The following KIAA0513 variants were observed in gnomAD, a reference collection of about 807,000 sequenced individuals.
The protein encoded by KIAA0513 is uncharacterized protein KIAA0513.
A neutral mutation model predicts 56.5 loss-of-function variants in KIAA0513; 39 were observed. That is an observed-to-expected ratio of 0.69 (90% CI 0.53 to 0.90). The LOEUF (loss-of-function observed/expected upper bound fraction) is 0.90. KIAA0513 is among the 40% of genes least tolerant of loss of function. The probability of loss-of-function intolerance (pLI) is 0.00; values close to 1 mark genes in which losing one functional copy is unlikely to be tolerated. For synonymous variants in KIAA0513, 268 were observed against 215.6 expected (o/e 1.24, Z -2.13); for missense variants, 591 against 535.2 (o/e 1.10, Z -1.03).
chr16:85,087,396 C>A (rs1231913663), intron 12 of KIAA0513, among the ~76,000 whole-genome samples: 1 of 152,200 alleles, frequency 6.6e-6, no homozygotes, highest in African/African-American at 2.4e-5. Context: ...GGATTGCGGG[C>A]ATTGGGGCCA....
At chr16:85,035,484 T>A (rs747457960) in intron 1 of KIAA0513, among the ~76,000 whole-genome samples, 3 of 152,142 alleles carry the variant, frequency 2.0e-5, no homozygotes, top group African/African-American at 4.8e-5. Context: ...GTTTGTTTTG[T>A]TTTTTGTTTG....
intron 1 of KIAA0513, among the ~76,000 whole-genome samples, chr16:85,037,364 G>T (rs2073048804): frequency 2.0e-5 from 3 of 152,144 alleles, no homozygotes; most frequent in Admixed American, 1.3e-4. Flanking sequence ...TGAGTCAGGG[G>T]ATATCGGGTG....
At position 85,091,133 on chromosome 16, in the gene KIAA0513, G is replaced by A. The variant is rs2073863277; in HGVS notation, c.*2808G>A. ...CCCAAAACCAGGAGCACGAAGGCCT[G>A]TCATCCATGGGGCCATTGCAGGCAC... is the stretch of plus-strand genomic sequence containing the variant. On this transcript the variant is annotated 3_prime_UTR_variant, in exon 13 of 13. Transcript: ENST00000683363. 6.6e-6 allele frequency: 1 copy of A among 152,262 alleles called. No individual in the cohort carries two copies. The highest frequency in any genetic ancestry group is 1.5e-5 in the Non-Finnish European group (1 of 68,058). 9.4% of individuals were successfully genotyped at this position (152,262 alleles called of 1,614,324 possible).
chr16:85,051,068 C>T (rs145522029), intron 1 of KIAA0513, among the ~76,000 whole-genome samples: 21 of 152,120 alleles, frequency 1.4e-4, no homozygotes, highest in African/African-American at 4.8e-4. Flanking sequence ...TCACTTGAGC[C>T]TAGGAATTTG....
chr16:85,077,026 C>G lies in KIAA0513; in HGVS notation c.575-399C>G, dbSNP rs551638923. Among the ~76,000 whole-genome samples, 6 of 151,834 alleles carry G rather than the reference C, an allele frequency of 4.0e-5. 1 individual carries two copies. Among genetic ancestry groups the G allele is most frequent in the Admixed American group, 3.3e-4 (5 of 15,256 alleles). On this transcript the variant is annotated intron_variant, in intron 5 of 12. Coordinates refer to ENST00000683363, the MANE Select transcript of KIAA0513 (RefSeq NM_001388359.1). Reference sequence around the variant, plus strand: ...TGCTGCCCAGACTCCTCCTCCAGGCCCCCCCCCAACCCGGTGTCTCCACAC... The same window carrying G: ...TGCTGCCCAGACTCCTCCTCCAGGCGCCCCCCCAACCCGGTGTCTCCACAC...
chr16:85,041,351 A>G (rs1363916324), intron 1 of KIAA0513, among the ~76,000 whole-genome samples: 3 of 152,194 alleles, frequency 2.0e-5, no homozygotes, highest in Non-Finnish European at 4.4e-5. Context: ...GATTTCACCC[A>G]AAGAACGCAG....
At chr16:85,069,991 C>T (rs915085479) in intron 2 of KIAA0513, among the ~76,000 whole-genome samples, 2 of 145,120 alleles carry the variant, frequency 1.4e-5, no homozygotes, top group Non-Finnish European at 3.1e-5. Flanking sequence ...ATAGTGAAAC[C>T]CCCTCTCTAC....
intron 1 of KIAA0513, among the ~76,000 whole-genome samples, chr16:85,053,630 A>T (rs1386072839): frequency 6.6e-6 from 1 of 152,184 alleles, no homozygotes; most frequent in Non-Finnish European, 1.5e-5. Context: ...ATACATTACT[A>T]AGAAAGATTA....
chr16:85,078,306 G>A, intron 6 of KIAA0513, 109 bp from the exon 7 acceptor site: 1 of 1,138,690 alleles, frequency 8.8e-7, no homozygotes, highest in South Asian at 1.3e-5. Flanking sequence ...TTCAGAGCAA[G>A]CCGTATTAAA....
At chr16:85,030,303 C>T (rs142390173) in intron 1 of KIAA0513, among the ~76,000 whole-genome samples, 41 of 152,330 alleles carry the variant, frequency 2.7e-4, no homozygotes, top group African/African-American at 9.9e-4. Flanking sequence ...AGTTCTCCGG[C>T]AGCCTGCTAG....
At chr16:85,070,235 C>T (rs894835658) in intron 2 of KIAA0513, among the ~76,000 whole-genome samples, 4 of 151,804 alleles carry the variant, frequency 2.6e-5, no homozygotes, top group African/African-American at 4.8e-5. Flanking sequence ...TTGTTTCCAC[C>T]GTGATTTGAG....
chr16:85,032,610 C>T (rs1279628110), intron 1 of KIAA0513, among the ~76,000 whole-genome samples: 1 of 151,956 alleles, frequency 6.6e-6, no homozygotes, highest in Non-Finnish European at 1.5e-5. Flanking sequence ...GGGATGACCT[C>T]CTCTTAACTA....
intron 5 of KIAA0513, 43 bp from the exon 6 acceptor site, chr16:85,077,382 C>A (rs1172743258): frequency 1.9e-6 from 3 of 1,591,690 alleles, no homozygotes; most frequent in African/African-American, 2.7e-5. Flanking sequence ...CAGGCGCATA[C>A]CCCAGCCTCA....
chr16:85,087,414 G>C (rs1324939419), intron 12 of KIAA0513, among the ~76,000 whole-genome samples: 1 of 152,208 alleles, frequency 6.6e-6, no homozygotes, highest in East Asian at 1.9e-4. Context: ...CCATAGCCTG[G>C]GTGTTCACAG....
At chr16:85,079,375 C>T (rs915863803) in intron 8 of KIAA0513, 4 of 222,540 alleles carry the variant, frequency 1.8e-5, no homozygotes, top group African/African-American at 4.4e-5. Context: ...ATTATGGCCC[C>T]GAGGTGGAAA....
In KIAA0513 at chr16:85,090,992, C is replaced by G. The variant is rs751414618; in HGVS notation, c.*2667C>G. The G allele has an allele frequency of 1.6e-4, 24 of 152,276 alleles. No homozygotes were observed. The highest frequency in any genetic ancestry group is 3.1e-4 in the Non-Finnish European group (21 of 68,074). The allele number at this position is 152,276 out of a possible 1,614,324, so 9.4% of individuals were successfully genotyped here. A position where few individuals can be genotyped will look rare whatever the true frequency, so the allele number is the denominator to read the frequency against. ...GGTCCCTGCGTGGGGAGGTGTCACA[C>G]CAGGGGCACACCCAGGGCCACCTGG... On this transcript the variant is annotated 3_prime_UTR_variant, in exon 13 of 13. Coordinates refer to ENST00000683363, the MANE Select transcript of KIAA0513 (RefSeq NM_001388359.1).
At chr16:85,043,799 G>A (rs954422363) in intron 1 of KIAA0513, among the ~76,000 whole-genome samples, 12 of 152,240 alleles carry the variant, frequency 7.9e-5, no homozygotes, top group Non-Finnish European at 8.8e-5. Context: ...CTGGGAGGCC[G>A]AAGCGGGCGG....
chr16:85,073,136 G>T (rs1567540510), intron 4 of KIAA0513, 138 bp downstream of exon 4: 2 of 756,832 alleles, frequency 2.6e-6, no homozygotes, highest in Middle Eastern at 3.7e-4. Flanking sequence ...GCTCTGCTAC[G>T]CCCAGCATTC....
intron 1 of KIAA0513, among the ~76,000 whole-genome samples, chr16:85,040,689 C>T (rs77346758): frequency 0.051 from 7,828 of 152,264 alleles, 291 homozygotes; most frequent in Non-Finnish European, 0.075. Flanking sequence ...AGGTTAAACC[C>T]TCCCCAAGCT....
Sources: gnomAD v4.1 joint callset for allele counts (sites outside exome capture counted in the v4.1 genomes callset) on GRCh38, gnomAD v4.1.1 for gene constraint, MANE v1.5 for transcripts, NCBI Gene and HGNC (gene_info 2026-07-23, HGNC 2026-07-21) for gene names.